The following RORA variants were observed in gnomAD, a reference collection of about 807,000 sequenced individuals.
RORA encodes the protein RAR related orphan receptor A.
Under a neutral mutation model 69.5 loss-of-function variants are expected in RORA, and 7 were observed. That is an observed-to-expected ratio of 0.10 (90% CI 0.06 to 0.19). The LOEUF is 0.19. Ranked by LOEUF, RORA falls within the 10% of genes least tolerant of loss-of-function variation. RORA has a pLI of 1.00. For synonymous variants in RORA, 261 were observed against 240.8 expected, an observed-to-expected ratio of 1.08 and a Z score of -0.78; for missense variants, 457 against 663.0, an observed-to-expected ratio of 0.69 and a Z score of 3.41.
chr15:60,562,258 C>A (rs899191417), intron 2 of RORA, among the ~76,000 whole-genome samples: 3 of 151,838 alleles, frequency 2.0e-5, no homozygotes, highest in African/African-American at 7.3e-5. Flanking sequence ...TTTGTTGAGA[C>A]AGAGTCTGAC....
intron 2 of RORA, among the ~76,000 whole-genome samples, chr15:60,549,150 AC>A: frequency 6.6e-6 from 1 of 152,366 alleles, no homozygotes; most frequent in Middle Eastern, 3.4e-3. Context: ...TCCCAAAGTT[AC>A]GAGAAACAAG....
intron 1 of RORA, among the ~76,000 whole-genome samples, chr15:60,794,058 T>C (rs1166385819): frequency 6.6e-6 from 1 of 152,208 alleles, no homozygotes; most frequent in Admixed American, 6.5e-5. Flanking sequence ...GGCAGCCTTT[T>C]TACAATTCTG....
chr15:61,220,599 C>T (rs1033094157), intron 1 of RORA, among the ~76,000 whole-genome samples: 9 of 152,158 alleles, frequency 5.9e-5, no homozygotes, highest in Admixed American at 1.3e-4. Flanking sequence ...TTGTCCATTT[C>T]TTCAGGTTTC....
intron 1 of RORA, among the ~76,000 whole-genome samples, chr15:60,819,026 A>G (rs1203834034): frequency 6.6e-6 from 1 of 152,236 alleles, no homozygotes; most frequent in Non-Finnish European, 1.5e-5. Flanking sequence ...AGATTCCAGC[A>G]GCCCAGACCA....
intron 1 of RORA, among the ~76,000 whole-genome samples, chr15:61,096,343 A>G (rs1371184039): frequency 6.6e-6 from 1 of 152,126 alleles, no homozygotes; most frequent in Non-Finnish European, 1.5e-5. Flanking sequence ...GGCAAATCCA[A>G]TGACATTTTG....
At chr15:60,791,530 T>G (rs2072417531) in intron 1 of RORA, among the ~76,000 whole-genome samples, 1 of 152,224 alleles carries the variant, frequency 6.6e-6, no homozygotes, top group African/African-American at 2.4e-5. Context: ...AGCTTTCAGC[T>G]CTGGATAGCT....
intron 1 of RORA, among the ~76,000 whole-genome samples, chr15:60,823,850 G>A (rs143132852): frequency 1.9e-3 from 282 of 152,024 alleles, no homozygotes; most frequent in African/African-American, 6.3e-3. Context: ...GTGTGGCTTC[G>A]CCTAAAATCC....
At chr15:60,501,178 G>A in intron 8 of RORA, 109 bp from the exon 9 acceptor site, 1 of 671,798 alleles carries the variant, frequency 1.5e-6, no homozygotes, top group Non-Finnish European at 2.7e-6. Context: ...GAAGGTCTTA[G>A]GAGAAAAACA....
At chr15:60,510,853 A>G (rs982828379) in intron 5 of RORA, among the ~76,000 whole-genome samples, 3 of 152,058 alleles carry the variant, frequency 2.0e-5, no homozygotes. Context: ...CTGTGGGCCA[A>G]GTTCAGTTTG....
At chr15:60,967,498 C>G (rs1425733306) in intron 1 of RORA, among the ~76,000 whole-genome samples, 1 of 152,122 alleles carries the variant, frequency 6.6e-6, no homozygotes, top group Non-Finnish European at 1.5e-5. Flanking sequence ...CCTCTCCATC[C>G]AAAATGACTG....
chr15:61,129,104 C>T (rs1027049611), intron 1 of RORA, among the ~76,000 whole-genome samples: 2 of 152,172 alleles, frequency 1.3e-5, no homozygotes, highest in South Asian at 2.1e-4. Flanking sequence ...CTGCATTTGG[C>T]AGTTTTACAA....
intron 1 of RORA, among the ~76,000 whole-genome samples, chr15:60,931,621 T>C (rs1208287396): frequency 1.3e-5 from 2 of 152,232 alleles, no homozygotes; most frequent in African/African-American, 4.8e-5. Context: ...CCAGAGTGTC[T>C]TGCACAGGGC....
chr15:61,175,202 G>A (rs976248216), intron 1 of RORA, among the ~76,000 whole-genome samples: 4 of 152,174 alleles, frequency 2.6e-5, no homozygotes, highest in African/African-American at 9.7e-5. Flanking sequence ...TGGTGGGCAA[G>A]CACAGCACTT....
At chr15:60,846,265 G>A (rs111941984) in intron 1 of RORA, among the ~76,000 whole-genome samples, 2,598 of 152,292 alleles carry the variant, frequency 0.017, 70 homozygotes, top group African/African-American at 0.06. Flanking sequence ...ATTGGTGCCC[G>A]TACTGTGATT....
At chr15:60,770,530 A>G (rs1448515024) in intron 1 of RORA, among the ~76,000 whole-genome samples, 2 of 152,228 alleles carry the variant, frequency 1.3e-5, no homozygotes, top group Non-Finnish European at 2.9e-5. Context: ...AGCTACAGGG[A>G]ACCCCTTAGA....
intron 1 of RORA, among the ~76,000 whole-genome samples, chr15:61,223,991 C>A (rs1277108376): frequency 1.6e-5 from 2 of 127,396 alleles, no homozygotes; most frequent in Non-Finnish European, 3.2e-5. Flanking sequence ...ACACTTCCTG[C>A]GTGAATTAGA....
At position 61,129,899 on chromosome 15, in the gene RORA, A is replaced by T. The variant is rs73432733; in HGVS notation, c.166+99154T>A. The stretch of plus-strand genomic sequence containing the variant: ...TTCTTAATCAAAAAGACCAACACAC[A>T]TTCAGTAAACAGGGTTTCCAATGTA... On this transcript the variant is annotated intron_variant, in intron 1 of 10. Transcript: ENST00000335670. Among the ~76,000 whole-genome samples, 953 of 152,336 alleles carry T rather than the reference A, an allele frequency of 6.3e-3. 13 individuals are homozygous for T. The highest frequency in any genetic ancestry group is 0.022 in the African/African-American group (917 of 41,580).
At chr15:60,827,547 C>T (rs1012018090) in intron 1 of RORA, among the ~76,000 whole-genome samples, 8 of 152,280 alleles carry the variant, frequency 5.3e-5, no homozygotes, top group African/African-American at 1.9e-4. Flanking sequence ...AAAGGGTATC[C>T]CTGAACCACA....
At chr15:60,923,556 A>T (rs1263077134) in intron 1 of RORA, among the ~76,000 whole-genome samples, 2 of 152,172 alleles carry the variant, frequency 1.3e-5, no homozygotes, top group Non-Finnish European at 2.9e-5. Context: ...TGGGCTTCCG[A>T]TGATTTCTAG....
Sources: gnomAD v4.1 joint callset for allele counts (sites outside exome capture counted in the v4.1 genomes callset) on GRCh38, gnomAD v4.1.1 for gene constraint, MANE v1.5 for transcripts, NCBI Gene and HGNC (gene_info 2026-07-23, HGNC 2026-07-21) for gene names.